The following PHACTR3 variants were observed in gnomAD, a reference collection of about 807,000 sequenced individuals.
PHACTR3 encodes phosphatase and actin regulator 3, also known as protein phosphatase 1, regulatory subunit 123.
PHACTR3 carries 16 observed loss-of-function variants against 66.8 expected under a neutral mutation model. The observed-to-expected ratio is 0.24, with a 90% CI of 0.16 to 0.36. PHACTR3 has a LOEUF of 0.36. Among genes scored for constraint, PHACTR3 ranks in the 10% least tolerant of loss-of-function variants. The pLI, the probability that PHACTR3 is intolerant of heterozygous loss-of-function variation, is 1.00. For missense variants in PHACTR3, 647 were observed against 719.9 expected (o/e 0.90, Z 1.16); for synonymous variants, 323 against 292.1 (o/e 1.11, Z -1.08).
chr20:59,762,307 G>A (rs1017547029), intron 4 of PHACTR3, among the ~76,000 whole-genome samples: 32 of 152,260 alleles, frequency 2.1e-4, no homozygotes, highest in Non-Finnish European at 3.5e-4. Flanking sequence ...GGACCTCAGA[G>A]ACTTACCCTT....
intron 1 of PHACTR3, among the ~76,000 whole-genome samples, chr20:59,584,306 G>A (rs1407245564): frequency 6.6e-6 from 1 of 151,618 alleles, no homozygotes; most frequent in Non-Finnish European, 1.5e-5. Context: ...GCCTGTGTGT[G>A]ACTGTGTGTG....
chr20:59,811,690 CAGCATGGAGCAGTG>C (rs988278966), intron 8 of PHACTR3, among the ~76,000 whole-genome samples: 1 of 142,676 alleles, frequency 7.0e-6, no homozygotes, highest in Non-Finnish European at 1.5e-5. Flanking sequence ...ACTGTCAACA[CAGCATGGAGCAGTG>C]GGGGGTTGGA....
At chr20:59,813,881 C>T (rs1324554101) in intron 8 of PHACTR3, among the ~76,000 whole-genome samples, 1 of 152,232 alleles carries the variant, frequency 6.6e-6, no homozygotes, top group African/African-American at 2.4e-5. Context: ...TCCTGACCAT[C>T]TCCCAGTGGC....
intron 1 of PHACTR3, among the ~76,000 whole-genome samples, chr20:59,734,766 C>T (rs2038889161): frequency 1.3e-5 from 2 of 152,076 alleles, no homozygotes; most frequent in South Asian, 4.2e-4. Flanking sequence ...CCAAATGACT[C>T]CCCATTCCCC....
chr20:59,821,811 C>G (rs1026029891), intron 8 of PHACTR3, among the ~76,000 whole-genome samples: 1 of 152,080 alleles, frequency 6.6e-6, no homozygotes, highest in Non-Finnish European at 1.5e-5. Flanking sequence ...AGAGCACCGC[C>G]GGGGAATTTA....
chr20:59,605,045 C>T lies in PHACTR3; in HGVS notation c.31C>T (p.Leu11Phe), dbSNP rs2033609809. 1 of 1,379,988 alleles carries T rather than the reference C, an allele frequency of 7.2e-7. No homozygotes were observed. Among genetic ancestry groups the T allele is most frequent in the Non-Finnish European group, 9.4e-7 (1 of 1,058,610 alleles). The allele number at this position is 1,379,988 out of a possible 1,614,324, so 85.5% of individuals were successfully genotyped here. A position where few individuals can be genotyped will look rare whatever the true frequency, so the allele number is the denominator to read the frequency against. Residue 11 changes from leucine (L) to phenylalanine (F), a missense_variant, in exon 1 of 13, where the codon CTC becomes TTC. Coordinates refer to ENST00000371015, the MANE Select transcript of PHACTR3 (RefSeq NM_080672.5). ...CGCGTCGGAGGACGGGAGCGGCTGC[C>T]TCGTGTCGCGGGGCCGCTCGCAGAG... MAASEDGSGCLVSRGRSQSDP... is the reference protein window; with the variant it reads MAASEDGSGCFVSRGRSQSDP...
intron 7 of PHACTR3, 141 bp downstream of exon 7, chr20:59,774,631 C>A: frequency 1.7e-6 from 2 of 1,197,272 alleles, no homozygotes; most frequent in South Asian, 3.3e-5. Flanking sequence ...GGGGCTGTGT[C>A]CTCTGGAAAT....
chr20:59,742,478 G>GTGCTCACAGACATGCTCACAGACA (rs1555829285), intron 1 of PHACTR3, among the ~76,000 whole-genome samples: 1 of 150,166 alleles, frequency 6.7e-6, no homozygotes, highest in East Asian at 2.0e-4. Context: ...GCTCACAGAC[G>GTGCTCACAGACATGCTCACAGACA]TGCTCACTCT....
rs6123953 is a variant in PHACTR3, at chr20:59,828,155, G to A, written c.1329-8350G>A. Among the ~76,000 whole-genome samples, 115 of 152,264 alleles carry A rather than the reference G, an allele frequency of 7.6e-4. 2 individuals carry two copies. The East Asian group carries it at 0.021, about 28-fold the overall frequency. On this transcript the variant is annotated intron_variant, in intron 8 of 12. Transcript: ENST00000371015. ...CCCAAGTGCATTGTGGACACACACAGGAGGTATTTTGGTGGAGCTGTATTA... is the reference window on the plus strand; with the variant it reads ...CCCAAGTGCATTGTGGACACACACAAGAGGTATTTTGGTGGAGCTGTATTA...
At chr20:59,747,725 T>C in intron 2 of PHACTR3, 33 bp from the exon 3 acceptor site, 2 of 1,608,044 alleles carry the variant, frequency 1.2e-6, no homozygotes, top group Non-Finnish European at 8.5e-7. Flanking sequence ...CACCTTTGCC[T>C]GAGACTCACC....
chr20:59,699,176 G>A (rs906946512), intron 1 of PHACTR3, among the ~76,000 whole-genome samples: 1 of 152,156 alleles, frequency 6.6e-6, no homozygotes, highest in Admixed American at 6.5e-5. Context: ...GGTGACTGCC[G>A]TTATCTGCTT....
intron 1 of PHACTR3, among the ~76,000 whole-genome samples, chr20:59,656,668 A>T (rs1229366880): frequency 6.6e-6 from 1 of 151,834 alleles, no homozygotes; most frequent in Non-Finnish European, 1.5e-5. Flanking sequence ...ATTTGCATCT[A>T]CCATTTTATT....
At chr20:59,754,127 C>T (rs1315423883) in intron 3 of PHACTR3, among the ~76,000 whole-genome samples, 2 of 152,240 alleles carry the variant, frequency 1.3e-5, no homozygotes, top group Non-Finnish European at 2.9e-5. Flanking sequence ...ATCTCAGTGA[C>T]GTGACTGTGA....
At chr20:59,794,459 G>A (rs2041196049) in intron 7 of PHACTR3, among the ~76,000 whole-genome samples, 1 of 152,076 alleles carries the variant, frequency 6.6e-6, no homozygotes, top group Non-Finnish European at 1.5e-5. Flanking sequence ...TTATTTTGTT[G>A]AGGATTTTTA....
At chr20:59,710,501 G>A (rs907511533) in intron 1 of PHACTR3, among the ~76,000 whole-genome samples, 1 of 152,154 alleles carries the variant, frequency 6.6e-6, no homozygotes, top group African/African-American at 2.4e-5. Context: ...TCACTGGCTA[G>A]GCCCTTTAAA....
chr20:59,812,535 GA>G (rs1298967117), intron 8 of PHACTR3, among the ~76,000 whole-genome samples: 5 of 152,230 alleles, frequency 3.3e-5, no homozygotes, highest in African/African-American at 1.2e-4. Context: ...CCTGGAGACA[GA>G]ACGCACAGAA....
In PHACTR3 at chr20:59,605,113, G is replaced by A. The variant is rs1348780733; in HGVS notation, c.99G>A (p.Ala33=). Residue 33 remains alanine (A), a synonymous_variant, in exon 1 of 13, where the codon GCG becomes GCA. Coordinates refer to ENST00000371015, the MANE Select transcript of PHACTR3 (RefSeq NM_080672.5). ...VLTDSSATSS[A]DAGENPDEMD... ...CCGACTCCTCGGCCACCTCCTCCGCGGACGCCGGGGAGAACCCAGGTAACG... is the reference window on the plus strand; with the variant it reads ...CCGACTCCTCGGCCACCTCCTCCGCAGACGCCGGGGAGAACCCAGGTAACG... 1.5e-6 allele frequency: 2 copies of A among 1,375,218 alleles called. No individual in the cohort carries two copies. The highest frequency in any genetic ancestry group is 3.1e-5 in the East Asian group (1 of 32,646). 85.2% of individuals were successfully genotyped at this position (1,375,218 alleles called of 1,614,324 possible).
chr20:59,723,060 C>CTCTCTCTTTCTT (rs2038388891), intron 1 of PHACTR3, among the ~76,000 whole-genome samples: 1 of 118,664 alleles, frequency 8.4e-6, no homozygotes, highest in Non-Finnish European at 1.7e-5. Context: ...TTCTTTCTTT[C>CTCTCTCTTTCTT]TCTTTCTTTC....
intron 1 of PHACTR3, among the ~76,000 whole-genome samples, chr20:59,680,969 G>T (rs117296684): frequency 0.028 from 4,283 of 152,318 alleles, 81 homozygotes; most frequent in Middle Eastern, 0.065. Flanking sequence ...AAATATTGAT[G>T]TCAGGTGTGT....
Sources: gnomAD v4.1 joint callset for allele counts (sites outside exome capture counted in the v4.1 genomes callset) on GRCh38, gnomAD v4.1.1 for gene constraint, MANE v1.5 for transcripts, NCBI Gene and HGNC (gene_info 2026-07-23, HGNC 2026-07-21) for gene names.